GLRA2: variants seen among roughly 807,000 people sequenced by gnomAD.
The protein encoded by GLRA2 is glycine receptor subunit alpha-2.
A neutral mutation model predicts 31.6 loss-of-function variants in GLRA2; 11 were observed. The observed-to-expected ratio is 0.35, with a 90% confidence interval of 0.22 to 0.58. The LOEUF is 0.58. GLRA2 is among the 20% of genes least tolerant of loss of function. GLRA2 has a pLI of 0.84. For missense variants in GLRA2, 212 were observed against 351.8 expected (o/e 0.60, Z 3.18); for synonymous variants, 132 against 134.0 (o/e 0.99, Z 0.10).
intron 3 of GLRA2, among the ~76,000 whole-genome samples, chrX:14,577,934 C>A (rs149276320): frequency 8.9e-6 from 1 of 111,836 alleles, no homozygotes; most frequent in Non-Finnish European, 1.9e-5. Context: ...GAAACAGATT[C>A]TTCCCTGAAC....
chrX:14,637,034 A>G (rs1178925981), intron 7 of GLRA2, among the ~76,000 whole-genome samples: 2 of 111,748 alleles, frequency 1.8e-5, no homozygotes, highest in Non-Finnish European at 3.8e-5. Context: ...AAGCCTGGCT[A>G]TGGACAGTGC....
intron 7 of GLRA2, among the ~76,000 whole-genome samples, chrX:14,662,108 G>A (rs2090996942): frequency 9.1e-6 from 1 of 109,697 alleles, no homozygotes; most frequent in African/African-American, 3.3e-5. Flanking sequence ...AGATAGAACT[G>A]ATGTATCAGG....
chrX:14,564,600 T>C (rs147247285), intron 2 of GLRA2, among the ~76,000 whole-genome samples: 35 of 112,667 alleles, frequency 3.1e-4, no homozygotes, highest in African/African-American at 1.1e-3. Flanking sequence ...TGCACTTTTA[T>C]GTCCTACAGG....
At chrX:14,544,602 TTAAC>T (rs2089453443) in intron 2 of GLRA2, among the ~76,000 whole-genome samples, 1 of 111,733 alleles carries the variant, frequency 8.9e-6, no homozygotes, top group South Asian at 3.7e-4. Context: ...AGATTTAAGA[TTAAC>T]TTCCTATTTA....
the GLRA2 span, among the ~76,000 whole-genome samples, chrX:14,472,450 C>T: frequency 9.0e-6 from 1 of 110,977 alleles, no homozygotes; most frequent in East Asian, 2.8e-4. Flanking sequence ...GTTGGCTGCA[C>T]ATATCATCCC....
intron 8 of GLRA2, among the ~76,000 whole-genome samples, chrX:14,716,242 T>C (rs1462679543): frequency 9.0e-6 from 1 of 111,134 alleles, no homozygotes; most frequent in African/African-American, 3.3e-5. Context: ...ACCCACAAAT[T>C]CAGAAAATGG....
At chrX:14,475,697 G>GAC in the GLRA2 span, among the ~76,000 whole-genome samples, 115 of 109,223 alleles carry the variant, frequency 1.1e-3, no homozygotes, top group Middle Eastern at 4.7e-3. Flanking sequence ...CACGCACACA[G>GAC]ACACACACAC....
chrX:14,576,176 T>C (rs758976896), intron 3 of GLRA2, among the ~76,000 whole-genome samples: 1 of 111,403 alleles, frequency 9.0e-6, no homozygotes, highest in South Asian at 3.8e-4. Context: ...TAGGAAGAAT[T>C]AATTTACCTT....
At chrX:14,693,410 A>G (rs934401003) in intron 8 of GLRA2, among the ~76,000 whole-genome samples, 4 of 111,823 alleles carry the variant, frequency 3.6e-5, no homozygotes, top group Admixed American at 9.5e-5. Flanking sequence ...GATCACTTCA[A>G]TAGGGGGATG....
chrX:14,703,889 G>A (rs1045261328), intron 8 of GLRA2, among the ~76,000 whole-genome samples: 18 of 111,583 alleles, frequency 1.6e-4, no homozygotes, highest in African/African-American at 5.9e-4. Flanking sequence ...TCCTTTCCTT[G>A]TCCTACACTT....
intron 7 of GLRA2, among the ~76,000 whole-genome samples, chrX:14,673,173 TCA>T (rs1479009928): frequency 2.7e-5 from 3 of 112,055 alleles, no homozygotes; most frequent in African/African-American, 9.7e-5. Context: ...GGATGTAGCA[TCA>T]CAGTGCTCAG....
chrX:14,692,592 T>A (rs1430076684), intron 8 of GLRA2, among the ~76,000 whole-genome samples: 1 of 111,961 alleles, frequency 8.9e-6, no homozygotes, highest in East Asian at 2.8e-4. Flanking sequence ...GCAAAATTCC[T>A]TTCAGATGTT....
intron 7 of GLRA2, among the ~76,000 whole-genome samples, chrX:14,676,990 C>T (rs750655451): frequency 3.6e-4 from 40 of 111,846 alleles, no homozygotes; most frequent in African/African-American, 1.3e-3. Context: ...TCTGTTCAAA[C>T]AACAGATAAA....
chrX:14,618,876 C>T (rs769345959), intron 7 of GLRA2, among the ~76,000 whole-genome samples: 3 of 111,723 alleles, frequency 2.7e-5, no homozygotes, highest in Middle Eastern at 4.6e-3. Flanking sequence ...GTACACATTT[C>T]ATTACACGTG....
At chrX:14,611,752 C>T (rs2090400107) in intron 7 of GLRA2, among the ~76,000 whole-genome samples, 1 of 111,825 alleles carries the variant, frequency 8.9e-6, no homozygotes, top group Non-Finnish European at 1.9e-5. Flanking sequence ...CTGTTAACTT[C>T]AACACCTAGA....
chrX:14,478,886 G>A, the GLRA2 span, among the ~76,000 whole-genome samples: 2 of 111,890 alleles, frequency 1.8e-5, no homozygotes, highest in Non-Finnish European at 3.8e-5. Context: ...TGAGAAGGTG[G>A]GCACACATGA....
At chrX:14,519,034 AG>A in the GLRA2 span, among the ~76,000 whole-genome samples, 1 of 105,150 alleles carries the variant, frequency 9.5e-6, no homozygotes, top group African/African-American at 3.4e-5. Flanking sequence ...AAAAAAAAAA[AG>A]GAGATCAGGT....
chrX:14,488,666 A>G, the GLRA2 span, among the ~76,000 whole-genome samples: 3 of 112,495 alleles, frequency 2.7e-5, no homozygotes, highest in African/African-American at 9.7e-5. Flanking sequence ...TTTAATTGCT[A>G]AAATTTACTT....
chrX:14,691,358 T>C (rs1237684642), intron 8 of GLRA2, among the ~76,000 whole-genome samples: 3 of 107,856 alleles, frequency 2.8e-5, no homozygotes, highest in South Asian at 4.1e-4. Context: ...ACTGATCTGA[T>C]TGACTTTTTT....
Sources: allele counts gnomAD v4.1 joint callset (sites outside exome capture counted in the v4.1 genomes callset), GRCh38; gene constraint gnomAD v4.1.1; transcripts MANE v1.5; gene names NCBI Gene and HGNC (gene_info 2026-07-23, HGNC 2026-07-21).